SURF4: variants seen among roughly 807,000 people sequenced by gnomAD.
The protein encoded by SURF4 is surfeit 4, also known as surfeit locus protein 4.
Under a neutral mutation model 30.0 loss-of-function variants are expected in SURF4, and 3 were observed. The ratio of observed to expected loss-of-function variants is 0.10; its 90% CI spans 0.05 to 0.26. The LOEUF (loss-of-function observed/expected upper bound fraction) is 0.26, where lower values mean the gene tolerates loss of function less well. Among genes scored for constraint, SURF4 ranks in the 10% least tolerant of loss-of-function variants. The pLI is 1.00. For synonymous variants in SURF4, 143 were observed against 139.9 expected (o/e 1.02, Z -0.16); for missense variants, 217 against 350.8 (o/e 0.62, Z 3.05).
rs2130168087 is a variant in SURF4 at position 133,369,279 on chromosome 9, G to A, written c.49-1834C>T. Among the ~76,000 whole-genome samples the A allele has an allele frequency of 2.0e-3, 304 of 152,308 alleles. 1 individual carries two copies. Among genetic ancestry groups the A allele is most frequent in the African/African-American group, 6.9e-3 (286 of 41,564 alleles). ...AGTGATGGGAGAAATCACAGTGACC[G>A]ACAGATACCCAGAGAATCACCAAGT... On this transcript the variant is annotated intron_variant, in intron 1 of 5. Coordinates refer to ENST00000371989, the MANE Select transcript of SURF4 (RefSeq NM_033161.4).
chr9:133,364,738 C>A, intron 5 of SURF4, 102 bp downstream of exon 5: 1 of 1,077,422 alleles, frequency 9.3e-7, no homozygotes, highest in South Asian at 1.5e-5. Context: ...CTCCCCCAGG[C>A]TGTGGTTAAT....
At position 133,363,097 on chromosome 9, in the gene SURF4, C is replaced by A. The variant is rs2130082078; in HGVS notation, c.*396G>T. ...AGTTTCCGCTAAAAATGTAAACTTACAAATAAGAGGGAGACTGCTTTGAAT... is the reference window on the plus strand; with the variant it reads ...AGTTTCCGCTAAAAATGTAAACTTAAAAATAAGAGGGAGACTGCTTTGAAT... On this transcript the variant is annotated 3_prime_UTR_variant, in exon 6 of 6. Transcript: ENST00000371989. This position sits in a 1 kb window ranked among gnomAD's most constrained non-coding sequence, Gnocchi z 4.3. 1 of 363,814 alleles carries A rather than the reference C, an allele frequency of 2.7e-6. No homozygotes were observed. Among genetic ancestry groups the A allele is most frequent in the Non-Finnish European group, 5.1e-6 (1 of 197,828 alleles). 22.5% of individuals were successfully genotyped at this position (363,814 alleles called of 1,614,324 possible).
At position 133,363,247 on chromosome 9, in the gene SURF4, T is replaced by C. The variant is rs1251681739; in HGVS notation, c.*246A>G. ...GGCTGTTCACTCCAAAGCCTCGGCG[T>C]GGGGGAGGCTTCCAGCTGCCAGGCT... On this transcript the variant is annotated 3_prime_UTR_variant, in exon 6 of 6. Coordinates refer to ENST00000371989, the MANE Select transcript of SURF4 (RefSeq NM_033161.4). This position sits in a 1 kb window ranked among gnomAD's most constrained non-coding sequence, Gnocchi z 4.3. The C allele has an allele frequency of 1.4e-6, 1 of 690,396 alleles. No homozygotes were observed. Among genetic ancestry groups the C allele is most frequent in the East Asian group, 2.7e-5 (1 of 36,874 alleles). 42.8% of individuals were successfully genotyped at this position (690,396 alleles called of 1,614,324 possible).
upstream of SURF4, among the ~76,000 whole-genome samples, chr9:133,377,716 T>C (rs1484396111): frequency 6.6e-6 from 1 of 152,048 alleles, no homozygotes; most frequent in Non-Finnish European, 1.5e-5. Context: ...AAGGGACCAG[T>C]TTTGTGGAAG....
chr9:133,376,041 CT>C lies in SURF4; in HGVS notation c.-73del, dbSNP rs1353452486. ...TCTCGCCCGTCGGCGCCCGCACCCG[CT>C]GCGGCCTCCACAGGAAGTGCCCGGC... On this transcript the variant is annotated 5_prime_UTR_variant, in exon 1 of 6. Transcript: ENST00000371989. 47 of 1,213,250 alleles carry C rather than the reference CT, an allele frequency of 3.9e-5. No homozygotes were observed. The East Asian group carries it at 1.5e-3, about 39-fold the overall frequency. 75.2% of individuals were successfully genotyped at this position (1,213,250 alleles called of 1,614,324 possible). A position where few individuals can be genotyped will look rare whatever the true frequency, so the allele number is the denominator to read the frequency against.
rs2130139308 is a variant in SURF4, at chr9:133,367,311, G to A, written c.183C>T (p.Cys61=). 84 of 1,614,232 alleles carry A rather than the reference G, an allele frequency of 5.2e-5. No individual in the cohort carries two copies. The highest frequency in any genetic ancestry group is 3.8e-4 in the East Asian group (17 of 44,894). ...CGAAGGACGAGGCCAGCAGGTAGCC[G>A]CAGTTCCAGGTGGTGTCGATGTAGT... The part of the protein sequence containing the change: ...QRDYIDTTWN[C]GYLLASSFVF... Residue 61 remains cysteine, a synonymous_variant, in exon 2 of 6, where the codon TGC becomes TGT. Transcript: ENST00000371989.
upstream of SURF4, among the ~76,000 whole-genome samples, chr9:133,377,939 G>A (rs2130256160): frequency 5.9e-4 from 90 of 152,164 alleles, no homozygotes; most frequent in Non-Finnish European, 1.2e-3. Context: ...CGGATCATCA[G>A]GCATTTGTTT....
chr9:133,363,310 C>T lies in SURF4; in HGVS notation c.*183G>A, dbSNP rs1836938225. The T allele has an allele frequency of 2.9e-6, 3 of 1,038,670 alleles. No homozygotes were observed. The highest frequency in any genetic ancestry group is 3.2e-5 in the African/African-American group (2 of 63,194). The allele number at this position is 1,038,670 out of a possible 1,614,324, so 64.3% of individuals were successfully genotyped here. On this transcript the variant is annotated 3_prime_UTR_variant, in exon 6 of 6. Transcript: ENST00000371989. The surrounding 1 kb of genome is among the most constrained non-coding windows in gnomAD (Gnocchi z 4.3). Reference sequence around the variant, plus strand: ...AGGGTCAGACGCCAGACTGTGGCTCCAGAGCAGACTGAGCCATCGATTCTC... The same window carrying T: ...AGGGTCAGACGCCAGACTGTGGCTCTAGAGCAGACTGAGCCATCGATTCTC...
chr9:133,366,198 T>G, intron 3 of SURF4, 170 bp from the exon 4 acceptor site: 2 of 639,614 alleles, frequency 3.1e-6, no homozygotes, highest in Non-Finnish European at 2.7e-6. Context: ...GTTCTGTATT[T>G]CTCAAGAAAT....
At chr9:133,375,818 G>T (rs1007268197) in intron 1 of SURF4, 104 bp downstream of exon 1, 2 of 1,140,066 alleles carry the variant, frequency 1.8e-6, no homozygotes, top group African/African-American at 1.6e-5. Flanking sequence ...CAAGGAGTCA[G>T]GGGGCGGCCC....
rs1001386458 is a variant in SURF4 at position 133,370,301 on chromosome 9, C to T, written c.49-2856G>A. ...CTCCTTCCCTGCGCAAACATGGTGA[C>T]GAAACAGACACAGCTCTTGGCTTTG... On this transcript the variant is annotated intron_variant, in intron 1 of 5. Transcript: ENST00000371989. Among the ~76,000 whole-genome samples, 6 of 152,288 alleles carry T rather than the reference C, an allele frequency of 3.9e-5. No homozygotes were observed. The South Asian group carries it at 6.2e-4, about 16-fold the overall frequency.
Position 133,375,089 on chromosome 9 carries a change from T to C in SURF4, c.48+833A>G, listed in dbSNP as rs993974315. On this transcript the variant is annotated intron_variant, in intron 1 of 5. Transcript: ENST00000371989. Reference sequence around the variant, plus strand: ...CCACCACCACCTTTTGTTTTTGTTTTTTTGTTCTGTCAAGCTTAATCAAGA... The same window carrying C: ...CCACCACCACCTTTTGTTTTTGTTTCTTTGTTCTGTCAAGCTTAATCAAGA... 7 of 499,736 alleles carry C rather than the reference T, an allele frequency of 1.4e-5. No individual in the cohort carries two copies. In the African/African-American group the frequency reaches 1.5e-4, roughly 10 times the overall value. The allele number at this position is 499,736 out of a possible 1,614,324, so 31.0% of individuals were successfully genotyped here.
chr9:133,372,902 T>G (rs1837586554), intron 1 of SURF4, among the ~76,000 whole-genome samples: 1 of 152,192 alleles, frequency 6.6e-6, no homozygotes, highest in Non-Finnish European at 1.5e-5. Context: ...CGAGTACAAG[T>G]AGCTGCCCTC....
chr9:133,370,312 C>G (rs1837430527), intron 1 of SURF4, among the ~76,000 whole-genome samples: 1 of 152,204 alleles, frequency 6.6e-6, no homozygotes, highest in South Asian at 2.1e-4. Flanking sequence ...GAAACAGACA[C>G]AGCTCTTGGC....
At chr9:133,369,485 A>C (rs1161660081) in intron 1 of SURF4, among the ~76,000 whole-genome samples, 3 of 152,170 alleles carry the variant, frequency 2.0e-5, no homozygotes. Context: ...ATGCTTTCCA[A>C]CTTTACTAGG....
At chr9:133,371,023 A>G (rs1837477393) in intron 1 of SURF4, 4 of 1,278,762 alleles carry the variant, frequency 3.1e-6, no homozygotes, top group African/African-American at 1.5e-5. Flanking sequence ...ACTGAAGGGG[A>G]TTTTAGAAAC....
chr9:133,370,248 G>C (rs891489401), intron 1 of SURF4, among the ~76,000 whole-genome samples: 2 of 152,234 alleles, frequency 1.3e-5, no homozygotes, highest in African/African-American at 4.8e-5. Context: ...GCAAAAAAGA[G>C]AGAGAAGGTG....
At position 133,363,683 on chromosome 9, in the gene SURF4, G is replaced by C. The variant is rs1836975707; in HGVS notation, c.620C>G (p.Thr207Ser). ...GATGGCAAAGAGCCACACAACAAGAGTCAAAGCAGCCAGCTTGGTTTTAAA... is the reference window on the plus strand; with the variant it reads ...GATGGCAAAGAGCCACACAACAAGACTCAAAGCAGCCAGCTTGGTTTTAAA... ...IGFKTKLAAL[T>S]LVVWLFAINV... Residue 207 changes from threonine to serine, a missense_variant, in exon 6 of 6, where the codon ACT becomes AGT. By Grantham distance (58) the Thr-to-Ser change is moderately conservative (BLOSUM62 1). Transcript: ENST00000371989. The surrounding 1 kb of genome is among the most constrained non-coding windows in gnomAD (Gnocchi z 4.3). 1 of 1,614,242 alleles carries C rather than the reference G, an allele frequency of 6.2e-7. No homozygotes were observed.
chr9:133,374,765 G>A (rs781977279), intron 1 of SURF4, among the ~76,000 whole-genome samples: 1 of 152,050 alleles, frequency 6.6e-6, no homozygotes, highest in Non-Finnish European at 1.5e-5. Flanking sequence ...AGGAACGGAA[G>A]AGTTCAATAG....
Sources: gnomAD v4.1 joint callset for allele counts (sites outside exome capture counted in the v4.1 genomes callset) on GRCh38, gnomAD v4.1.1 for gene constraint, Gnocchi (gnomAD v3.1) non-coding constraint, MANE v1.5 for transcripts, NCBI Gene and HGNC (gene_info 2026-07-23, HGNC 2026-07-21) for gene names.